Variants in RAB38 observed in about 807,000 individuals in gnomAD.
RAB38 encodes the protein RAB38, member RAS oncogene family.
A neutral mutation model predicts 18.4 loss-of-function variants in RAB38; 15 were observed. That is an observed-to-expected ratio of 0.82 (90% CI 0.55 to 1.26). RAB38 has a LOEUF of 1.26. Among genes scored for constraint, RAB38 ranks in the 50% most tolerant of loss-of-function variants. RAB38 has a pLI of 0.00. For synonymous variants in RAB38, 101 were observed against 104.4 expected (o/e 0.97, Z 0.20); for missense variants, 294 against 267.4 (o/e 1.10, Z -0.69).
At chr11:88,160,171 AACAG>A (rs1943172977) in intron 1 of RAB38, among the ~76,000 whole-genome samples, 2 of 152,110 alleles carry the variant, frequency 1.3e-5, no homozygotes, top group Non-Finnish European at 2.9e-5. Flanking sequence ...CAAAAACATG[AACAG>A]ACAGTTCTCA....
chr11:88,123,383 C>T (rs1942653910), intron 2 of RAB38, among the ~76,000 whole-genome samples: 1 of 152,156 alleles, frequency 6.6e-6, no homozygotes, highest in African/African-American at 2.4e-5. Flanking sequence ...GGAAGAGTGA[C>T]CAGTTCAGCT....
At chr11:87,855,283 A>G in the RAB38 span, among the ~76,000 whole-genome samples, 1 of 152,132 alleles carries the variant, frequency 6.6e-6, no homozygotes, top group Non-Finnish European at 1.5e-5. Flanking sequence ...AGTGTATATA[A>G]ATGCTTCCAT....
the RAB38 span, among the ~76,000 whole-genome samples, chr11:88,037,317 TTAAA>T: frequency 6.6e-6 from 1 of 152,124 alleles, no homozygotes; most frequent in Non-Finnish European, 1.5e-5. Flanking sequence ...TTGTAGATAA[TTAAA>T]TACTTTCACC....
At chr11:87,943,590 T>A in the RAB38 span, among the ~76,000 whole-genome samples, 1 of 152,156 alleles carries the variant, frequency 6.6e-6, no homozygotes, top group African/African-American at 2.4e-5. Context: ...ATAATAATGG[T>A]TATGAAAATA....
At chr11:87,897,937 A>G in the RAB38 span, among the ~76,000 whole-genome samples, 1 of 151,650 alleles carries the variant, frequency 6.6e-6, no homozygotes, top group Non-Finnish European at 1.5e-5. Flanking sequence ...TTGTCATCAT[A>G]TAATTATAGG....
At chr11:88,020,501 C>A in the RAB38 span, among the ~76,000 whole-genome samples, 1 of 152,058 alleles carries the variant, frequency 6.6e-6, no homozygotes, top group Non-Finnish European at 1.5e-5. Context: ...TACAATAATA[C>A]CTGAAGACTT....
chr11:87,917,815 T>C, the RAB38 span: 1 of 152,120 alleles, frequency 6.6e-6, no homozygotes, highest in Non-Finnish European at 1.5e-5. Flanking sequence ...GAGGACAGAA[T>C]CTGATGCATT....
At chr11:87,828,567 C>T in the RAB38 span, among the ~76,000 whole-genome samples, 1 of 152,078 alleles carries the variant, frequency 6.6e-6, no homozygotes, top group Non-Finnish European at 1.5e-5. Context: ...TGCATATAGC[C>T]AGTGAGTAAG....
At chr11:87,903,413 A>G in the RAB38 span, among the ~76,000 whole-genome samples, 2 of 151,338 alleles carry the variant, frequency 1.3e-5, no homozygotes, top group African/African-American at 4.8e-5. Context: ...GGAAAACCTG[A>G]TTTCTTCATA....
chr11:88,041,355 C>T, the RAB38 span, among the ~76,000 whole-genome samples: 1 of 152,172 alleles, frequency 6.6e-6, no homozygotes, highest in Non-Finnish European at 1.5e-5. Context: ...ACGTGCTCCT[C>T]TCTTTGCCCG....
chr11:88,025,837 T>C, the RAB38 span, among the ~76,000 whole-genome samples: 39 of 152,314 alleles, frequency 2.6e-4, no homozygotes, highest in African/African-American at 8.7e-4. Flanking sequence ...GTTTACTCTA[T>C]TGACAGTTTA....
At chr11:87,881,648 C>G in the RAB38 span, among the ~76,000 whole-genome samples, 1 of 151,838 alleles carries the variant, frequency 6.6e-6, no homozygotes, top group Admixed American at 6.6e-5. Context: ...CTAGTTCCAG[C>G]TACTTAAGAT....
the RAB38 span, among the ~76,000 whole-genome samples, chr11:88,092,752 A>AT: frequency 6.6e-6 from 1 of 151,740 alleles, no homozygotes; most frequent in Admixed American, 6.6e-5. Flanking sequence ...ATGGTAAATT[A>AT]ATATAAGTAC....
the RAB38 span, among the ~76,000 whole-genome samples, chr11:88,029,657 A>T: frequency 5.3e-5 from 8 of 152,318 alleles, no homozygotes; most frequent in East Asian, 1.5e-3. Context: ...TGGTAAAGGC[A>T]TCAATTCAAC....
At chr11:88,137,886 A>G (rs932906021) in intron 2 of RAB38, among the ~76,000 whole-genome samples, 6 of 152,252 alleles carry the variant, frequency 3.9e-5, no homozygotes, top group African/African-American at 1.4e-4. Context: ...CTGTATTACA[A>G]TGAAGCAATG....
At chr11:87,903,132 A>G in the RAB38 span, among the ~76,000 whole-genome samples, 1 of 151,432 alleles carries the variant, frequency 6.6e-6, no homozygotes. Flanking sequence ...TGGTGAGAAT[A>G]GACATTCTTG....
chr11:87,977,478 A>G, the RAB38 span, among the ~76,000 whole-genome samples: 1,013 of 44,890 alleles, frequency 0.023, 80 homozygotes, highest in African/African-American at 0.098. Flanking sequence ...TATTACATAT[A>G]TAATTATATA....
chr11:87,939,984 A>G, the RAB38 span, among the ~76,000 whole-genome samples: 1 of 152,122 alleles, frequency 6.6e-6, no homozygotes, highest in East Asian at 1.9e-4. Flanking sequence ...AATCCAAAAA[A>G]GAAATATTAA....
At chr11:87,928,430 A>G in the RAB38 span, among the ~76,000 whole-genome samples, 1 of 152,148 alleles carries the variant, frequency 6.6e-6, no homozygotes, top group Non-Finnish European at 1.5e-5. Context: ...TTATAACAAG[A>G]TGATATTGAG....
Sources: gnomAD v4.1 joint callset for allele counts (sites outside exome capture counted in the v4.1 genomes callset) on GRCh38, gnomAD v4.1.1 for gene constraint, MANE v1.5 for transcripts, NCBI Gene and HGNC (gene_info 2026-07-23, HGNC 2026-07-21) for gene names.